Variants in MND1 observed in about 807,000 individuals in gnomAD.
The protein encoded by MND1 is meiotic nuclear divisions 1, also known as meiotic nuclear division protein 1 homolog.
MND1 carries 28 observed loss-of-function variants against 35.1 expected under a neutral mutation model. The ratio of observed to expected loss-of-function variants is 0.80; its 90% CI spans 0.59 to 1.09. The LOEUF (loss-of-function observed/expected upper bound fraction) is 1.09. Among genes scored for constraint, MND1 ranks in the 50% least tolerant of loss-of-function variants. The probability of loss-of-function intolerance (pLI) is 0.00; values close to 1 mark genes in which losing one functional copy is unlikely to be tolerated. For synonymous variants in MND1, 69 were observed against 70.5 expected, an observed-to-expected ratio of 0.98 and a Z score of 0.11; for missense variants, 213 against 239.6, an observed-to-expected ratio of 0.89 and a Z score of 0.73.
chr4:153,345,363 G>A, intron 1 of MND1: 1 of 985,504 alleles, frequency 1.0e-6, no homozygotes, highest in Non-Finnish European at 1.2e-6. Context: ...GTCGATTTCT[G>A]TGAAAACGCC....
intron 4 of MND1, among the ~76,000 whole-genome samples, chr4:153,368,655 A>G (rs757363121): frequency 4.6e-5 from 7 of 152,256 alleles, no homozygotes; most frequent in Non-Finnish European, 1.0e-4. Context: ...TCCATATCAC[A>G]TTCTCAAAGA....
intron 6 of MND1, 70 bp from the exon 7 acceptor site, chr4:153,408,901 T>C: frequency 2.8e-6 from 1 of 354,966 alleles, no homozygotes; most frequent in Non-Finnish European, 4.1e-6. Flanking sequence ...TAGCTAAAGA[T>C]CATTTTGTGT....
At chr4:153,384,443 ATTTTTTTTTTT>A (rs561004288) in intron 4 of MND1, among the ~76,000 whole-genome samples, 68 of 63,198 alleles carry the variant, frequency 1.1e-3, no homozygotes, top group African/African-American at 1.5e-3. Flanking sequence ...CTAATGTTTA[ATTTTTTTTTTT>A]TTTTTTTTTT....
At chr4:153,346,502 A>G (rs966361853) in intron 1 of MND1, among the ~76,000 whole-genome samples, 1 of 152,108 alleles carries the variant, frequency 6.6e-6, no homozygotes, top group Non-Finnish European at 1.5e-5. Flanking sequence ...ATAAATCCTC[A>G]TTGATTTTTT....
At chr4:153,358,121 G>T (rs1423471923) in intron 3 of MND1, among the ~76,000 whole-genome samples, 2 of 152,124 alleles carry the variant, frequency 1.3e-5, no homozygotes, top group Non-Finnish European at 2.9e-5. Flanking sequence ...GTATGGAAAT[G>T]ATCATATCTA....
chr4:153,363,440 G>T (rs551375576), intron 4 of MND1, among the ~76,000 whole-genome samples: 1 of 152,106 alleles, frequency 6.6e-6, no homozygotes, highest in South Asian at 2.1e-4. Flanking sequence ...TCGAACTCCC[G>T]ACCTCAGGTG....
At chr4:153,374,211 T>A (rs1728418585) in intron 4 of MND1, among the ~76,000 whole-genome samples, 1 of 152,162 alleles carries the variant, frequency 6.6e-6, no homozygotes, top group Non-Finnish European at 1.5e-5. Context: ...AAATCAGTAT[T>A]GACTCAGGAA....
chr4:153,390,909 G>A (rs1397833937), intron 4 of MND1, among the ~76,000 whole-genome samples: 8 of 136,238 alleles, frequency 5.9e-5, no homozygotes, highest in South Asian at 2.4e-4. Flanking sequence ...GTGTGTGTGT[G>A]TGTGTGTATA....
chr4:153,376,415 C>T lies in MND1; in HGVS notation c.276+17793C>T, dbSNP rs190703949. 1.2e-4 allele frequency among the ~76,000 whole-genome samples: 18 copies of T among 152,278 alleles called. No individual in the cohort carries two copies. In the East Asian group the frequency reaches 3.3e-3, roughly 28 times the overall value. ...AAGGATAGGTTCTTCCCATCATCTTCTGGTTCTCTTCTTTGCCCTTCCCAA... is the reference window on the plus strand; with the variant it reads ...AAGGATAGGTTCTTCCCATCATCTTTTGGTTCTCTTCTTTGCCCTTCCCAA... On this transcript the variant is annotated intron_variant, in intron 4 of 7. Coordinates refer to ENST00000240488, the MANE Select transcript of MND1 (RefSeq NM_032117.4).
chr4:153,401,029 A>C (rs1729334494), intron 6 of MND1, among the ~76,000 whole-genome samples: 1 of 152,228 alleles, frequency 6.6e-6, no homozygotes. Context: ...TAAATTTTGC[A>C]GAAGAAAGAA....
intron 4 of MND1, 51 bp from the exon 5 acceptor site, chr4:153,394,211 T>C: frequency 1.3e-6 from 2 of 1,553,218 alleles, no homozygotes; most frequent in Non-Finnish European, 1.8e-6. Context: ...CATCAACTAC[T>C]ACATGTCAGT....
chr4:153,353,525 T>G (rs1268240896), intron 2 of MND1, among the ~76,000 whole-genome samples: 1 of 149,804 alleles, frequency 6.7e-6, no homozygotes, highest in Non-Finnish European at 1.5e-5. Flanking sequence ...ATATCCTGGG[T>G]AGCACGCCTT....
At chr4:153,393,121 G>GA (rs1445067597) in intron 4 of MND1, among the ~76,000 whole-genome samples, 4 of 149,204 alleles carry the variant, frequency 2.7e-5, no homozygotes, top group South Asian at 4.2e-4. Flanking sequence ...ACTGTCTCAA[G>GA]AAAAAAAAAG....
intron 6 of MND1, among the ~76,000 whole-genome samples, chr4:153,408,465 C>T (rs917894231): frequency 1.3e-5 from 2 of 150,762 alleles, no homozygotes; most frequent in Admixed American, 1.3e-4. Flanking sequence ...CATTTGATAG[C>T]ACGATGTGTA....
At chr4:153,386,390 G>C (rs1302618048) in intron 4 of MND1, among the ~76,000 whole-genome samples, 1 of 151,648 alleles carries the variant, frequency 6.6e-6, no homozygotes, top group Non-Finnish European at 1.5e-5. Context: ...CTAGCTACTC[G>C]GGAGGCTGGA....
At chr4:153,393,838 T>A (rs1433410092) in intron 4 of MND1, among the ~76,000 whole-genome samples, 2 of 151,924 alleles carry the variant, frequency 1.3e-5, no homozygotes, top group Non-Finnish European at 2.9e-5. Context: ...CTCTTTTTTT[T>A]TTTCAATGTA....
chr4:153,408,912 G>GTA (rs10552163), intron 6 of MND1, 59 bp from the exon 7 acceptor site: 14,362 of 310,438 alleles, frequency 0.046, 91 homozygotes, highest in East Asian at 0.1. Flanking sequence ...CATTTTGTGT[G>GTA]TATATATATA....
chr4:153,363,213 TC>T (rs1350081836), intron 4 of MND1, among the ~76,000 whole-genome samples: 1 of 111,872 alleles, frequency 8.9e-6, no homozygotes, highest in Non-Finnish European at 1.7e-5. Flanking sequence ...TGGGGATAGT[TC>T]TTTTTTTTTT....
At chr4:153,366,881 G>A (rs536240820) in intron 4 of MND1, among the ~76,000 whole-genome samples, 2 of 152,308 alleles carry the variant, frequency 1.3e-5, no homozygotes, top group African/African-American at 2.4e-5. Flanking sequence ...GAGACACAGA[G>A]AGATTAAGAG....
Sources: gnomAD v4.1 joint callset for allele counts (sites outside exome capture counted in the v4.1 genomes callset) on GRCh38, gnomAD v4.1.1 for gene constraint, MANE v1.5 for transcripts, NCBI Gene and HGNC (gene_info 2026-07-23, HGNC 2026-07-21) for gene names.